Variants in ZNF385D observed in about 807,000 individuals in gnomAD.
ZNF385D encodes the protein zinc finger protein 385D.
A neutral mutation model predicts 35.8 loss-of-function variants in ZNF385D; 15 were observed. The observed-to-expected ratio is 0.42, with a 90% CI of 0.28 to 0.64. The LOEUF (loss-of-function observed/expected upper bound fraction) is 0.64. ZNF385D is among the 30% of genes least tolerant of loss of function. The probability of loss-of-function intolerance (pLI) is 0.23; values close to 1 mark genes in which losing one functional copy is unlikely to be tolerated. For missense variants in ZNF385D, 474 were observed against 494.6 expected (o/e 0.96, Z 0.39); for synonymous variants, 212 against 186.8 (o/e 1.13, Z -1.10).
intron 3 of ZNF385D, among the ~76,000 whole-genome samples, chr3:22,037,421 G>T (rs976548233): frequency 1.3e-5 from 2 of 151,880 alleles, no homozygotes; most frequent in Non-Finnish European, 2.9e-5. Context: ...GTGTGAGATG[G>T]TATCTCATTG....
intron 2 of ZNF385D, among the ~76,000 whole-genome samples, chr3:22,170,656 T>C (rs1285474389): frequency 6.6e-6 from 1 of 152,192 alleles, no homozygotes; most frequent in Non-Finnish European, 1.5e-5. Flanking sequence ...TTTATAGACT[T>C]TGTAAAATGA....
At chr3:22,023,189 C>G (rs999811934) in intron 3 of ZNF385D, among the ~76,000 whole-genome samples, 3 of 152,062 alleles carry the variant, frequency 2.0e-5, no homozygotes, top group Non-Finnish European at 4.4e-5. Flanking sequence ...GTAGAAGGAG[C>G]AGTCAAATGA....
At chr3:22,092,329 T>C (rs953825840) in intron 3 of ZNF385D, among the ~76,000 whole-genome samples, 1 of 152,150 alleles carries the variant, frequency 6.6e-6, no homozygotes, top group Admixed American at 6.5e-5. Context: ...TGACGTTGGC[T>C]CCTACAACAC....
intron 3 of ZNF385D, among the ~76,000 whole-genome samples, chr3:22,150,150 T>C (rs567335116): frequency 1.3e-5 from 2 of 152,266 alleles, no homozygotes; most frequent in East Asian, 3.9e-4. Context: ...CCAGAAATAA[T>C]TAGAAAAGCT....
intron 2 of ZNF385D, among the ~76,000 whole-genome samples, chr3:22,279,864 T>G (rs1701648494): frequency 6.6e-6 from 1 of 152,088 alleles, no homozygotes; most frequent in Non-Finnish European, 1.5e-5. Context: ...ATCTCCACAC[T>G]GTTTTCCACA....
At chr3:21,471,097 A>G (rs1376617401) in intron 4 of ZNF385D, among the ~76,000 whole-genome samples, 1 of 152,194 alleles carries the variant, frequency 6.6e-6, no homozygotes, top group Non-Finnish European at 1.5e-5. Context: ...ATATGAAAAG[A>G]AAGCACAAAT....
chr3:22,300,670 C>A (rs757161256), intron 2 of ZNF385D, among the ~76,000 whole-genome samples: 3 of 151,764 alleles, frequency 2.0e-5, no homozygotes, highest in Admixed American at 2.0e-4. Flanking sequence ...TACAAATGAC[C>A]AACAGGTACA....
At chr3:22,012,385 T>C (rs1016321637) in intron 3 of ZNF385D, among the ~76,000 whole-genome samples, 2 of 152,148 alleles carry the variant, frequency 1.3e-5, no homozygotes, top group Non-Finnish European at 2.9e-5. Context: ...CAAATGTGTT[T>C]TAGTGCTAAA....
intron 3 of ZNF385D, among the ~76,000 whole-genome samples, chr3:21,871,134 G>C (rs1463443381): frequency 1.3e-5 from 2 of 152,048 alleles, no homozygotes; most frequent in East Asian, 3.9e-4. Flanking sequence ...CTTTATTCTG[G>C]CAGTATCGGG....
At chr3:21,708,005 G>C (rs12638523) in intron 1 of ZNF385D, among the ~76,000 whole-genome samples, 19,461 of 152,102 alleles carry the variant, frequency 0.13, 1,512 homozygotes, top group East Asian at 0.18. Context: ...GGGCATGTAG[G>C]ACTTTGGAAA....
chr3:21,631,205 G>A (rs923494880), intron 2 of ZNF385D, among the ~76,000 whole-genome samples: 2 of 152,156 alleles, frequency 1.3e-5, no homozygotes, highest in South Asian at 4.1e-4. Flanking sequence ...TTCAGTGGAC[G>A]GTTGGGAACA....
chr3:21,907,976 G>T (rs1333234605), intron 3 of ZNF385D, among the ~76,000 whole-genome samples: 1 of 151,854 alleles, frequency 6.6e-6, no homozygotes, highest in Non-Finnish European at 1.5e-5. Flanking sequence ...AAAACAACAG[G>T]GGTTTGTGAA....
chr3:21,868,670 G>C (rs1697514809), intron 3 of ZNF385D, among the ~76,000 whole-genome samples: 1 of 152,106 alleles, frequency 6.6e-6, no homozygotes, highest in Non-Finnish European at 1.5e-5. Flanking sequence ...ACAGTGGAGA[G>C]TTATTACACA....
intron 3 of ZNF385D, among the ~76,000 whole-genome samples, chr3:22,167,643 C>G (rs1322047757): frequency 6.6e-6 from 1 of 152,162 alleles, no homozygotes; most frequent in Non-Finnish European, 1.5e-5. Context: ...GCAGAGCCAG[C>G]CCCAAAGCCG....
At chr3:22,062,147 C>T (rs1003295389) in intron 3 of ZNF385D, among the ~76,000 whole-genome samples, 1 of 152,160 alleles carries the variant, frequency 6.6e-6, no homozygotes, top group Admixed American at 6.5e-5. Flanking sequence ...AAGCAATTCT[C>T]CCACCTCAAC....
At chr3:21,734,627 G>A (rs1206279626) in intron 1 of ZNF385D, among the ~76,000 whole-genome samples, 5 of 152,100 alleles carry the variant, frequency 3.3e-5, no homozygotes, top group Non-Finnish European at 5.9e-5. Context: ...TGCAGGGCTG[G>A]ACCTCAGGAT....
chr3:21,829,811 T>G (rs1694874870), intron 3 of ZNF385D, among the ~76,000 whole-genome samples: 1 of 151,876 alleles, frequency 6.6e-6, no homozygotes, highest in African/African-American at 2.4e-5. Context: ...AAGCTGTAAT[T>G]ACTTTTGCAC....
chr3:21,816,967 T>A (rs1292602237), intron 3 of ZNF385D, among the ~76,000 whole-genome samples: 1 of 152,170 alleles, frequency 6.6e-6, no homozygotes, highest in Non-Finnish European at 1.5e-5. Context: ...AACAGCATGG[T>A]ACTGGTACCA....
chr3:22,223,175 T>C (rs1371224454), intron 2 of ZNF385D, among the ~76,000 whole-genome samples: 1 of 152,176 alleles, frequency 6.6e-6, no homozygotes, highest in Admixed American at 6.5e-5. Context: ...AGCAATTATT[T>C]AGGCTTTAAT....
Sources: gnomAD v4.1 joint callset for allele counts (sites outside exome capture counted in the v4.1 genomes callset) on GRCh38, gnomAD v4.1.1 for gene constraint, MANE v1.5 for transcripts, NCBI Gene and HGNC (gene_info 2026-07-23, HGNC 2026-07-21) for gene names.